Variants in PSD3 observed in about 807,000 individuals in gnomAD.
The protein encoded by PSD3 is PH and SEC7 domain-containing protein 3.
A neutral mutation model predicts 105.5 loss-of-function variants in PSD3; 49 were observed. The observed-to-expected ratio is 0.46, with a 90% CI of 0.37 to 0.59. The LOEUF is 0.59. Ranked by LOEUF, PSD3 falls within the 20% of genes least tolerant of loss-of-function variation. The pLI, the probability that PSD3 is intolerant of heterozygous loss-of-function variation, is 0.00. For synonymous variants in PSD3, 557 were observed against 457.8 expected (o/e 1.22, Z -2.77); for missense variants, 1,561 against 1,263.8 (o/e 1.24, Z -3.57).
At chr8:18,808,788 G>A (rs972318258) in intron 4 of PSD3, 9 of 1,613,790 alleles carry the variant, frequency 5.6e-6, no homozygotes, top group Admixed American at 3.3e-5. Context: ...AGAGCCCATC[G>A]CAACCCCTGG....
intron 4 of PSD3, among the ~76,000 whole-genome samples, chr8:18,818,484 T>A (rs530864337): frequency 6.6e-6 from 1 of 152,182 alleles, no homozygotes; most frequent in African/African-American, 2.4e-5. Context: ...TTAGATGTTA[T>A]CTGCCATCTA....
intron 1 of PSD3, among the ~76,000 whole-genome samples, chr8:19,002,181 G>A (rs986519054): frequency 6.6e-6 from 1 of 152,128 alleles, no homozygotes; most frequent in African/African-American, 2.4e-5. Context: ...GCCAGAAAGT[G>A]ACTTTGAGAG....
intron 1 of PSD3, among the ~76,000 whole-genome samples, chr8:18,944,615 T>TAAAG (rs1358967734): frequency 1.9e-5 from 2 of 107,158 alleles, no homozygotes; most frequent in East Asian, 5.9e-4. Flanking sequence ...AATAAATAAA[T>TAAAG]AAATAAAGTT....
At chr8:18,755,677 T>C (rs1158196360) in intron 9 of PSD3, among the ~76,000 whole-genome samples, 1 of 152,086 alleles carries the variant, frequency 6.6e-6, no homozygotes, top group Non-Finnish European at 1.5e-5. Flanking sequence ...TTTTTCTTTT[T>C]TTGGGGGTTA....
At chr8:18,729,670 T>C (rs780867913) in intron 9 of PSD3, among the ~76,000 whole-genome samples, 2 of 152,244 alleles carry the variant, frequency 1.3e-5, no homozygotes, top group Non-Finnish European at 2.9e-5. Context: ...CTGTCTCATG[T>C]ATTACCTTCA....
chr8:18,936,151 T>G lies in PSD3; in HGVS notation c.22-9A>C. The G allele has an allele frequency of 6.3e-7, 1 of 1,587,468 alleles. No homozygotes were observed. On this transcript the variant is annotated splice_polypyrimidine_tract_variant and intron_variant, in intron 1 of 15. Transcript: ENST00000327040. The stretch of plus-strand genomic sequence containing the variant: ...CAAACAAATGTCTCTGCCTGCAAAA[T>G]AAGAACAAAACAAAGACACATTTAA...
chr8:18,757,455 C>T (rs920174097), intron 9 of PSD3, among the ~76,000 whole-genome samples: 36 of 151,828 alleles, frequency 2.4e-4, no homozygotes, highest in African/African-American at 8.0e-4. Flanking sequence ...CAAGGCAAGA[C>T]TCCGTTGCAA....
intron 2 of PSD3, among the ~76,000 whole-genome samples, chr8:18,918,607 A>T (rs935457016): frequency 6.6e-6 from 1 of 152,232 alleles, no homozygotes; most frequent in Non-Finnish European, 1.5e-5. Flanking sequence ...TGACATACTA[A>T]TAAACAAAAA....
At chr8:18,808,219 T>A (rs1186210410) in intron 4 of PSD3, among the ~76,000 whole-genome samples, 1 of 152,244 alleles carries the variant, frequency 6.6e-6, no homozygotes, top group East Asian at 1.9e-4. Flanking sequence ...TGTTTCCATG[T>A]GTGCTTTTCC....
intron 4 of PSD3, among the ~76,000 whole-genome samples, chr8:18,862,575 C>T (rs1459299216): frequency 1.3e-5 from 2 of 152,074 alleles, no homozygotes; most frequent in Non-Finnish European, 2.9e-5. Flanking sequence ...AAAAGAAGCC[C>T]GGAGCTCCGT....
intron 14 of PSD3, among the ~76,000 whole-genome samples, chr8:18,565,473 T>G (rs1801680777): frequency 6.6e-6 from 1 of 152,232 alleles, no homozygotes; most frequent in African/African-American, 2.4e-5. Flanking sequence ...TAATCAATTT[T>G]AATGATTAAG....
intron 1 of PSD3, among the ~76,000 whole-genome samples, chr8:19,007,369 G>A (rs908545885): frequency 2.0e-5 from 3 of 152,050 alleles, no homozygotes; most frequent in Non-Finnish European, 4.4e-5. Flanking sequence ...GCGGCCTGAA[G>A]CTATTTAAAT....
chr8:18,615,965 A>T (rs1805628883), intron 11 of PSD3, among the ~76,000 whole-genome samples: 1 of 152,270 alleles, frequency 6.6e-6, no homozygotes, highest in Non-Finnish European at 1.5e-5. Flanking sequence ...GGTCAATAAA[A>T]ATAACTCAAA....
intron 2 of PSD3, among the ~76,000 whole-genome samples, chr8:18,907,836 G>A (rs79179114): frequency 0.012 from 1,841 of 152,270 alleles, 33 homozygotes; most frequent in African/African-American, 0.041. Flanking sequence ...CATAGTTGCC[G>A]CATTTCAATT....
intron 9 of PSD3, among the ~76,000 whole-genome samples, chr8:18,683,487 G>A (rs549654474): frequency 2.3e-4 from 35 of 152,266 alleles, no homozygotes; most frequent in Middle Eastern, 3.4e-3. Flanking sequence ...AAACAAGATC[G>A]ATGTGCCAAA....
chr8:19,080,325 G>T (rs775054999), intron 1 of PSD3, among the ~76,000 whole-genome samples: 1 of 152,180 alleles, frequency 6.6e-6, no homozygotes, highest in Admixed American at 6.5e-5. Flanking sequence ...CTTTGTTCAG[G>T]GAGATGTCAG....
intron 3 of PSD3, among the ~76,000 whole-genome samples, chr8:18,869,264 A>C (rs1191885145): frequency 2.1e-5 from 3 of 142,168 alleles, no homozygotes; most frequent in Admixed American, 7.6e-5. Context: ...ATCTCGGCTC[A>C]CTGCAGCCTC....
At chr8:18,881,708 C>G (rs1818115427) in intron 2 of PSD3, among the ~76,000 whole-genome samples, 1 of 152,290 alleles carries the variant, frequency 6.6e-6, no homozygotes, top group East Asian at 1.9e-4. Context: ...AACCTGGGAT[C>G]AGTCATGCCA....
intron 4 of PSD3, among the ~76,000 whole-genome samples, chr8:18,813,039 G>C (rs1447471803): frequency 6.6e-6 from 1 of 152,174 alleles, no homozygotes; most frequent in Non-Finnish European, 1.5e-5. Flanking sequence ...TATCAGAATA[G>C]TACAGTCAAG....
Sources: allele counts gnomAD v4.1 joint callset (sites outside exome capture counted in the v4.1 genomes callset), GRCh38; gene constraint gnomAD v4.1.1; transcripts MANE v1.5; gene names NCBI Gene and HGNC (gene_info 2026-07-23, HGNC 2026-07-21).